The following WDR33 variants were observed in gnomAD, a reference collection of about 807,000 sequenced individuals.
WDR33 encodes WD repeat domain 33.
In WDR33, 47 loss-of-function variants were observed where a neutral mutation model predicts 164.9. The ratio of observed to expected loss-of-function variants is 0.29; its 90% CI spans 0.23 to 0.36. The LOEUF (loss-of-function observed/expected upper bound fraction) is 0.36, where lower values mean the gene tolerates loss of function less well. Ranked by LOEUF, WDR33 falls within the 10% of genes least tolerant of loss-of-function variation. WDR33 has a pLI of 1.00. For synonymous variants in WDR33, 505 were observed against 589.0 expected (o/e 0.86, Z 2.06); for missense variants, 1,137 against 1,754.1 (o/e 0.65, Z 6.28).
intron 7 of WDR33, among the ~76,000 whole-genome samples, chr2:127,745,937 ATTAC>A (rs1687156014): frequency 6.6e-6 from 1 of 151,810 alleles, no homozygotes; most frequent in Non-Finnish European, 1.5e-5. Flanking sequence ...AGGCAGGAGA[ATTAC>A]TTGAGCCCTG....
chr2:127,706,030 G>A lies in WDR33; in HGVS notation c.*293C>T, dbSNP rs1686000770. 1 of 349,434 alleles carries A rather than the reference G, an allele frequency of 2.9e-6. No individual in the cohort carries two copies. The highest frequency in any genetic ancestry group is 2.1e-5 in the African/African-American group (1 of 47,700). 21.6% of individuals were successfully genotyped at this position (349,434 alleles called of 1,614,324 possible). A position where few individuals can be genotyped will look rare whatever the true frequency, so the allele number is the denominator to read the frequency against. On this transcript the variant is annotated 3_prime_UTR_variant, in exon 22 of 22. Coordinates refer to ENST00000322313, the MANE Select transcript of WDR33 (RefSeq NM_018383.5). This position sits in a 1 kb window ranked among gnomAD's most constrained non-coding sequence, Gnocchi z 5.1. ...AAATGGACAGGAACTTAAATTTGTG[G>A]AGATGCCCCATGTCTTGTGAGACTT...
At position 127,763,329 on chromosome 2, in the gene WDR33, T is replaced by A; in HGVS notation, c.627-170A>T. 1.2e-5 allele frequency: 17 copies of A among 1,432,234 alleles called. No homozygotes were observed. The highest frequency in any genetic ancestry group is 1.6e-5 in the Non-Finnish European group (17 of 1,095,254). The allele number at this position is 1,432,234 out of a possible 1,614,324, so 88.7% of individuals were successfully genotyped here. A position where few individuals can be genotyped will look rare whatever the true frequency, so the allele number is the denominator to read the frequency against. Reference sequence around the variant, plus strand: ...GTCGTCAGCTAACATAGGCATCTCATCAAAAGAAGACTTCAACAGAGCAGT... The same window carrying A: ...GTCGTCAGCTAACATAGGCATCTCAACAAAAGAAGACTTCAACAGAGCAGT... On this transcript the variant is annotated intron_variant, in intron 6 of 21. Transcript: ENST00000322313. This position sits in a 1 kb window ranked among gnomAD's most constrained non-coding sequence, Gnocchi z 4.5.
rs59770418 is a variant in WDR33 at position 127,708,419 on chromosome 2, C to T, written c.3781+258G>A. Among the ~76,000 whole-genome samples the T allele has an allele frequency of 4.9e-3, 745 of 152,312 alleles. 12 individuals are homozygous for T. The highest frequency in any genetic ancestry group is 0.017 in the African/African-American group (717 of 41,566). On this transcript the variant is annotated intron_variant, in intron 21 of 21. Coordinates refer to ENST00000322313, the MANE Select transcript of WDR33 (RefSeq NM_018383.5). The surrounding 1 kb of genome is among the most constrained non-coding windows in gnomAD (Gnocchi z 6.7). ...AGAGCAGGGCTCCCAGACAGCAAGC[C>T]GAGCAGAGAGTGCTGGGGCATCTTG...
intron 7 of WDR33, among the ~76,000 whole-genome samples, chr2:127,745,687 T>C (rs1219857931): frequency 1.3e-5 from 2 of 152,174 alleles, no homozygotes; most frequent in African/African-American, 4.8e-5. Flanking sequence ...TACCACTTTA[T>C]GGGCTTCATA....
rs894541283 is a variant in WDR33 at position 127,724,662 on chromosome 2, C to T, written c.1086-219G>A. On this transcript the variant is annotated intron_variant, in intron 10 of 21. Transcript: ENST00000322313. The surrounding 1 kb of genome is among the most constrained non-coding windows in gnomAD (Gnocchi z 4.8). ...ACTTCACAGGGGAAAAGGCTGCAAG[C>T]ATTTAGAAACTAGAAAATCTATTTT... is the stretch of plus-strand genomic sequence containing the variant. Among the ~76,000 whole-genome samples, 4 of 152,174 alleles carry T rather than the reference C, an allele frequency of 2.6e-5. No individual in the cohort carries two copies. Among genetic ancestry groups the T allele is most frequent in the African/African-American group, 4.8e-5 (2 of 41,430 alleles).
intron 18 of WDR33, among the ~76,000 whole-genome samples, chr2:127,711,780 A>ATATATATATTTT: frequency 1.0e-4 from 9 of 88,308 alleles, no homozygotes; most frequent in African/African-American, 5.2e-4. Flanking sequence ...ATATATATAT[A>ATATATATATTTT]TTTTTTTTTT....
rs186980505 is a variant in WDR33, at chr2:127,743,679, T to C, written c.725-16902A>G. 2.5e-3 allele frequency among the ~76,000 whole-genome samples: 386 copies of C among 152,294 alleles called. 1 individual carries two copies. Among genetic ancestry groups the C allele is most frequent in the African/African-American group, 8.6e-3 (356 of 41,562 alleles). On this transcript the variant is annotated intron_variant, in intron 7 of 21. Transcript: ENST00000322313. ...GAGGCACAGATTTCCTTCTGTAACC[T>C]AGTGGTGAGCCAAGGAATATTGGCT...
In WDR33 at chr2:127,704,661, A is replaced by G. The variant is rs962254485; in HGVS notation, c.*1662T>C. On this transcript the variant is annotated 3_prime_UTR_variant, in exon 22 of 22. Transcript: ENST00000322313. ...AGATTCTAACACTGAAAAGCAGTGT[A>G]TATGGCTGACATTTTCTCACTCCAC... 15 of 167,246 alleles carry G rather than the reference A, an allele frequency of 9.0e-5. No homozygotes were observed. Among genetic ancestry groups the G allele is most frequent in the African/African-American group, 3.6e-4 (15 of 41,600 alleles). 10.4% of individuals were successfully genotyped at this position (167,246 alleles called of 1,614,324 possible).
chr2:127,789,762 T>C (rs1433079175), intron 1 of WDR33, among the ~76,000 whole-genome samples: 1 of 151,922 alleles, frequency 6.6e-6, no homozygotes, highest in Non-Finnish European at 1.5e-5. Context: ...TACTATTAAG[T>C]ATGACATAAC....
Position 127,726,625 on chromosome 2 carries a change from G to A in WDR33, c.851+26C>T. 1 of 1,612,818 alleles carries A rather than the reference G, an allele frequency of 6.2e-7. No homozygotes were observed. Among genetic ancestry groups the A allele is most frequent in the Non-Finnish European group, 8.5e-7 (1 of 1,179,346 alleles). The stretch of plus-strand genomic sequence containing the variant: ...CTGCTTTGCTCCCCTTTGTTCAGGG[G>A]CCAAGGTGGGGTTCCTGTCACTTAC... On this transcript the variant is annotated intron_variant, in intron 8 of 21. Coordinates refer to ENST00000322313, the MANE Select transcript of WDR33 (RefSeq NM_018383.5). This position sits in a 1 kb window ranked among gnomAD's most constrained non-coding sequence, Gnocchi z 4.8.
rs1419760091 is a variant in WDR33 at position 127,711,772 on chromosome 2, A to ATTTTTTTTTTTTTTT, written c.3308+1810_3308+1811insAAAAAAAAAAAAAAA. Among the ~76,000 whole-genome samples, 67 of 87,696 alleles carry ATTTTTTTTTTTTTTT rather than the reference A, an allele frequency of 7.6e-4. 4 individuals are homozygous for ATTTTTTTTTTTTTTT. Among genetic ancestry groups the ATTTTTTTTTTTTTTT allele is most frequent in the Non-Finnish European group, 1.0e-3 (48 of 47,906 alleles). The allele number at this position is 87,696 out of a possible 152,430, so 57.5% of individuals were successfully genotyped here. On this transcript the variant is annotated intron_variant, in intron 18 of 21. Transcript: ENST00000322313. The stretch of plus-strand genomic sequence containing the variant: ...TACAGATATATATATATATATATAT[A>ATTTTTTTTTTTTTTT]TATATATATTTTTTTTTTGAGACAG...
intron 7 of WDR33, among the ~76,000 whole-genome samples, chr2:127,743,376 C>T (rs766164200): frequency 3.9e-5 from 6 of 152,098 alleles, no homozygotes; most frequent in Non-Finnish European, 7.4e-5. Flanking sequence ...AATACAAAAG[C>T]AGCATACTTG....
Position 127,726,142 on chromosome 2 carries a change from A to G in WDR33, c.851+509T>C, listed in dbSNP as rs1686567721. ...ATGGATGCTTGGTCAAAAAAATGTT[A>G]ACATATGCATGTAGCTGTGAATGTT... On this transcript the variant is annotated intron_variant, in intron 8 of 21. Coordinates refer to ENST00000322313, the MANE Select transcript of WDR33 (RefSeq NM_018383.5). This position sits in a 1 kb window ranked among gnomAD's most constrained non-coding sequence, Gnocchi z 4.8. Among the ~76,000 whole-genome samples the G allele has an allele frequency of 6.6e-6, 1 of 152,240 alleles. No individual in the cohort carries two copies. The highest frequency in any genetic ancestry group is 1.5e-5 in the Non-Finnish European group (1 of 68,036).
At chr2:127,731,902 A>G (rs1270918182) in intron 7 of WDR33, among the ~76,000 whole-genome samples, 1 of 152,176 alleles carries the variant, frequency 6.6e-6, no homozygotes, top group Non-Finnish European at 1.5e-5. Flanking sequence ...CCTGGGCAAC[A>G]TAGTGAGACC....
At chr2:127,791,975 G>A (rs938453474) in intron 1 of WDR33, among the ~76,000 whole-genome samples, 2 of 149,872 alleles carry the variant, frequency 1.3e-5, no homozygotes, top group Non-Finnish European at 3.0e-5. Context: ...GTCTCATGCT[G>A]TCACCCAGGC....
intron 1 of WDR33, among the ~76,000 whole-genome samples, chr2:127,797,110 A>T: frequency 6.6e-6 from 1 of 152,018 alleles, no homozygotes; most frequent in Non-Finnish European, 1.5e-5. Flanking sequence ...AAAATAATTA[A>T]TGTAACCAGT....
At chr2:127,804,378 T>C (rs1184416918) in intron 1 of WDR33, among the ~76,000 whole-genome samples, 2 of 152,152 alleles carry the variant, frequency 1.3e-5, no homozygotes, top group Non-Finnish European at 2.9e-5. Flanking sequence ...AAAAATTCTG[T>C]GAGATGTTAC....
rs1387115959 is a variant in WDR33 at position 127,717,269 on chromosome 2, AAT to A, written c.2761-8_2761-7del. 1.3e-6 allele frequency: 2 copies of A among 1,566,730 alleles called. No individual in the cohort carries two copies. Among genetic ancestry groups the A allele is most frequent in the Admixed American group, 4.0e-5 (2 of 49,430 alleles). ...GGGCCTGTGCTCTGTCCTTCCTGAA[AAT>A]ATGTTTTTAAAGTAAGGGTATGAAA... On this transcript the variant is annotated splice_region_variant and splice_polypyrimidine_tract_variant and intron_variant, in intron 16 of 21. Coordinates refer to ENST00000322313, the MANE Select transcript of WDR33 (RefSeq NM_018383.5). This position sits in a 1 kb window ranked among gnomAD's most constrained non-coding sequence, Gnocchi z 5.6.
chr2:127,737,617 C>T (rs1686887201), intron 7 of WDR33: 1 of 1,005,412 alleles, frequency 9.9e-7, no homozygotes, highest in African/African-American at 1.7e-5. Flanking sequence ...TGTATTAGTG[C>T]CAGCAGACAA....
Sources: allele counts gnomAD v4.1 joint callset (sites outside exome capture counted in the v4.1 genomes callset), GRCh38; gene constraint gnomAD v4.1.1; non-coding constraint Gnocchi (gnomAD v3.1); transcripts MANE v1.5; gene names NCBI Gene and HGNC (gene_info 2026-07-23, HGNC 2026-07-21).